Variants in ZBTB7C observed in about 807,000 individuals in gnomAD.
ZBTB7C encodes the protein zinc finger and BTB domain-containing protein 7C.
In ZBTB7C, 8 loss-of-function variants were observed where a neutral mutation model predicts 25.7. That is an observed-to-expected ratio of 0.31 (90% CI 0.18 to 0.56). ZBTB7C has a LOEUF of 0.56. Among genes scored for constraint, ZBTB7C ranks in the 20% least tolerant of loss-of-function variants. The pLI is 0.91. For missense variants in ZBTB7C, 824 were observed against 855.2 expected (o/e 0.96, Z 0.46); for synonymous variants, 394 against 369.0 (o/e 1.07, Z -0.78).
chr18:48,219,921 G>A (rs2042910363), intron 2 of ZBTB7C, among the ~76,000 whole-genome samples: 1 of 152,176 alleles, frequency 6.6e-6, no homozygotes, highest in Non-Finnish European at 1.5e-5. Flanking sequence ...AGCTGAGGCA[G>A]TGGATAAAGA....
At chr18:48,328,102 A>G (rs1419454613) in intron 2 of ZBTB7C, among the ~76,000 whole-genome samples, 1 of 151,156 alleles carries the variant, frequency 6.6e-6, no homozygotes, top group Non-Finnish European at 1.5e-5. Context: ...GAATGGCATG[A>G]ACCCGGGAGG....
At chr18:48,363,164 C>A (rs1210012229) in intron 1 of ZBTB7C, among the ~76,000 whole-genome samples, 1 of 152,148 alleles carries the variant, frequency 6.6e-6, no homozygotes, top group Admixed American at 6.5e-5. Context: ...CTCACTAAGG[C>A]TAGTGCTATT....
intron 1 of ZBTB7C, among the ~76,000 whole-genome samples, chr18:48,347,805 C>T (rs1388852672): frequency 6.6e-6 from 1 of 152,166 alleles, no homozygotes; most frequent in Non-Finnish European, 1.5e-5. Flanking sequence ...GATGTTAATA[C>T]CTATGAAAAG....
chr18:48,101,876 G>A (rs1318861229), intron 3 of ZBTB7C, among the ~76,000 whole-genome samples: 2 of 152,102 alleles, frequency 1.3e-5, no homozygotes, highest in East Asian at 1.9e-4. Context: ...TGGCTGGTTC[G>A]CTCTCTCTGC....
rs369820651 is a variant in ZBTB7C, at chr18:48,309,860, G to A, written c.-79+28314C>T. Among the ~76,000 whole-genome samples, 10 of 152,312 alleles carry A rather than the reference G, an allele frequency of 6.6e-5. No individual in the cohort carries two copies. The South Asian group carries it at 2.1e-3, about 32-fold the overall frequency. On this transcript the variant is annotated intron_variant, in intron 2 of 4. Transcript: ENST00000590800. ...TTCAGTAGTTTCTCCCCTAGGAAAT[G>A]GTACCGTGAGTTCTATTTGCCGGGT...
At chr18:48,334,485 G>A (rs2046416276) in intron 2 of ZBTB7C, among the ~76,000 whole-genome samples, 1 of 152,134 alleles carries the variant, frequency 6.6e-6, no homozygotes, top group African/African-American at 2.4e-5. Flanking sequence ...ACACCCCCAG[G>A]TAGGGAACTA....
intron 3 of ZBTB7C, among the ~76,000 whole-genome samples, chr18:48,071,173 G>A (rs1051213689): frequency 3.5e-4 from 53 of 152,240 alleles, no homozygotes; most frequent in African/African-American, 1.2e-3. Flanking sequence ...AGGCACTACC[G>A]CCACAGGTAC....
intron 2 of ZBTB7C, among the ~76,000 whole-genome samples, chr18:48,324,535 C>T (rs1416832107): frequency 1.3e-5 from 2 of 152,014 alleles, no homozygotes; most frequent in Non-Finnish European, 2.9e-5. Flanking sequence ...ATGTAGAAAC[C>T]CTAATCCCTA....
At chr18:48,111,981 T>C (rs2039258022) in intron 3 of ZBTB7C, among the ~76,000 whole-genome samples, 1 of 152,172 alleles carries the variant, frequency 6.6e-6, no homozygotes, top group African/African-American at 2.4e-5. Flanking sequence ...CTCAGTATGA[T>C]TATATTGTGG....
chr18:48,179,954 C>A (rs117316173), intron 3 of ZBTB7C, among the ~76,000 whole-genome samples: 4,928 of 134,302 alleles, frequency 0.037, 118 homozygotes, highest in Non-Finnish European at 0.056. Context: ...TCCTTCCCTG[C>A]TTCCTTCCTT....
chr18:48,314,045 C>T (rs1462738057), intron 2 of ZBTB7C, among the ~76,000 whole-genome samples: 1 of 152,210 alleles, frequency 6.6e-6, no homozygotes, highest in African/African-American at 2.4e-5. Context: ...CAGAGGCCAG[C>T]ACCGTGCTTC....
chr18:48,156,284 A>G (rs1012809939), intron 3 of ZBTB7C, among the ~76,000 whole-genome samples: 1 of 152,234 alleles, frequency 6.6e-6, no homozygotes, highest in Admixed American at 6.5e-5. Flanking sequence ...ACTTAGTACT[A>G]AGATGCTGGC....
chr18:48,327,237 T>A (rs1295572527), intron 2 of ZBTB7C, among the ~76,000 whole-genome samples: 1 of 152,186 alleles, frequency 6.6e-6, no homozygotes, highest in Non-Finnish European at 1.5e-5. Flanking sequence ...TGCCCTTCTC[T>A]GGAGGGCTAT....
intron 3 of ZBTB7C, among the ~76,000 whole-genome samples, chr18:48,075,434 G>A (rs1389452322): frequency 6.6e-6 from 1 of 152,262 alleles, no homozygotes; most frequent in African/African-American, 2.4e-5. Flanking sequence ...CCAGCCCAGA[G>A]AGGAAGAACA....
intron 2 of ZBTB7C, among the ~76,000 whole-genome samples, chr18:48,300,482 GA>G (rs1472090906): frequency 2.6e-5 from 4 of 152,148 alleles, no homozygotes; most frequent in Non-Finnish European, 5.9e-5. Flanking sequence ...TGCAGCTGAG[GA>G]AACAAGTCCT....
At chr18:48,142,968 C>A (rs941030700) in intron 3 of ZBTB7C, among the ~76,000 whole-genome samples, 1 of 152,174 alleles carries the variant, frequency 6.6e-6, no homozygotes, top group African/African-American at 2.4e-5. Flanking sequence ...AAGTGGTGAA[C>A]AATCCACGTG....
At chr18:48,380,972 C>T (rs146425592) in intron 1 of ZBTB7C, among the ~76,000 whole-genome samples, 1 of 152,056 alleles carries the variant, frequency 6.6e-6, no homozygotes, top group East Asian at 1.9e-4. Context: ...AGGACATGTA[C>T]AGAGAATCAG....
intron 3 of ZBTB7C, among the ~76,000 whole-genome samples, chr18:48,050,647 C>A (rs1457540119): frequency 6.6e-6 from 1 of 152,178 alleles, no homozygotes; most frequent in African/African-American, 2.4e-5. Flanking sequence ...TCTTTCCCTG[C>A]AATGTCCAGC....
intron 2 of ZBTB7C, among the ~76,000 whole-genome samples, chr18:48,277,277 A>G (rs2044689295): frequency 6.8e-6 from 1 of 147,636 alleles, no homozygotes; most frequent in East Asian, 2.0e-4. Flanking sequence ...CAGAATCTAC[A>G]ATGAACTCAA....
Sources: allele counts gnomAD v4.1 joint callset (sites outside exome capture counted in the v4.1 genomes callset), GRCh38; gene constraint gnomAD v4.1.1; transcripts MANE v1.5; gene names NCBI Gene and HGNC (gene_info 2026-07-23, HGNC 2026-07-21).